VIL1: variants seen among roughly 807,000 people sequenced by gnomAD.
VIL1 encodes the protein villin-1.
In VIL1, 86 loss-of-function variants were observed where a neutral mutation model predicts 104.0. The ratio of observed to expected loss-of-function variants is 0.83; its 90% CI spans 0.69 to 0.99. The LOEUF is 0.99. Ranked by LOEUF, VIL1 falls within the 50% of genes least tolerant of loss-of-function variation. The pLI is 0.00. For missense variants in VIL1, 944 were observed against 1,054.1 expected, an observed-to-expected ratio of 0.90 and a Z score of 1.45; for synonymous variants, 394 against 412.6, an observed-to-expected ratio of 0.95 and a Z score of 0.55.
Position 218,436,624 on chromosome 2 carries a change from C to T in VIL1, c.1969C>T (p.Gln657Ter). Residue 657 changes from glutamine (Q) to a stop codon, truncating the protein, a stop_gained and splice_region_variant, in exon 16 of 20, where the codon CAG becomes TAG. Transcript: ENST00000248444. LOFTEE classifies it high-confidence loss of function. ...TGTGTTCCTACTAGATGTCTGGGAC[C>T]AGGTAGGACCAAGGGCCTGGGGACC... is the stretch of plus-strand genomic sequence containing the variant. ...DDVFLLDVWD[Q>*]VFFWIGKHAN... 2 of 1,613,574 alleles carry T rather than the reference C, an allele frequency of 1.2e-6. No individual in the cohort carries two copies. Among genetic ancestry groups the T allele is most frequent in the Non-Finnish European group, 8.5e-7 (1 of 1,179,796 alleles).
rs545180680 is a variant in VIL1 at position 218,442,398 on chromosome 2, CTG to C, written c.2370+1537_2370+1538del. 2.0e-5 allele frequency among the ~76,000 whole-genome samples: 3 copies of C among 152,278 alleles called. No homozygotes were observed. The South Asian group carries it at 6.2e-4, about 32-fold the overall frequency. On this transcript the variant is annotated intron_variant, in intron 19 of 19. Coordinates refer to ENST00000248444, the MANE Select transcript of VIL1 (RefSeq NM_007127.3). The stretch of plus-strand genomic sequence containing the variant: ...CATCAGCACATGGTCCATCTGGTAA[CTG>C]GGGTTAGCACAGCAAGAAGAGCTTG...
At position 218,440,882 on chromosome 2, in the gene VIL1, G is replaced by T; in HGVS notation, c.2370+20G>T. 1 of 1,612,902 alleles carries T rather than the reference G, an allele frequency of 6.2e-7. No individual in the cohort carries two copies. The highest frequency in any genetic ancestry group is 8.5e-7 in the Non-Finnish European group (1 of 1,179,442). ...AAGGAGGTAGGTCAGATTCTCAAAG[G>T]AAGACAAAGAAGTCCATTTGTTGGA... On this transcript the variant is annotated intron_variant, in intron 19 of 19. Coordinates refer to ENST00000248444, the MANE Select transcript of VIL1 (RefSeq NM_007127.3).
intron 19 of VIL1, among the ~76,000 whole-genome samples, chr2:218,443,202 C>CTTT (rs5838696): frequency 5.6e-5 from 8 of 141,908 alleles, no homozygotes; most frequent in African/African-American, 1.6e-4. Flanking sequence ...GTATTTCTTT[C>CTTT]TTTTTTTTTT....
At chr2:218,435,039 G>A (rs1689164115) in intron 14 of VIL1, among the ~76,000 whole-genome samples, 1 of 152,188 alleles carries the variant, frequency 6.6e-6, no homozygotes, top group African/African-American at 2.4e-5. Flanking sequence ...CCTCTCCTTT[G>A]ATCTCTGTAA....
In VIL1 at chr2:218,432,988, C is replaced by T. The variant is rs901915493; in HGVS notation, c.1500+37C>T. On this transcript the variant is annotated intron_variant, in intron 13 of 19. Coordinates refer to ENST00000248444, the MANE Select transcript of VIL1 (RefSeq NM_007127.3). ...GAACTGAGGTGTCTGGCAGTAACCA[C>T]TGTGGCAAGACAGGCATCCGGGAGA... is the stretch of plus-strand genomic sequence containing the variant. 3 of 1,612,178 alleles carry T rather than the reference C, an allele frequency of 1.9e-6. No individual in the cohort carries two copies. In the African/African-American group the frequency reaches 4.0e-5, roughly 22 times the overall value.
Position 218,450,802 on chromosome 2 carries a change from T to C in VIL1, c.*1466T>C, listed in dbSNP as rs1689458084. Reference sequence around the variant, plus strand: ...GACATACCTATACTTTGAACCTCTGTACTTTTAAGAAAAGTCCAATGTTAC... The same window carrying C: ...GACATACCTATACTTTGAACCTCTGCACTTTTAAGAAAAGTCCAATGTTAC... On this transcript the variant is annotated 3_prime_UTR_variant, in exon 20 of 20. Coordinates refer to ENST00000248444, the MANE Select transcript of VIL1 (RefSeq NM_007127.3). 1 of 152,366 alleles carries C rather than the reference T, an allele frequency of 6.6e-6. No homozygotes were observed. Among genetic ancestry groups the C allele is most frequent in the South Asian group, 2.1e-4 (1 of 4,832 alleles). The allele number at this position is 152,366 out of a possible 1,614,324, so 9.4% of individuals were successfully genotyped here.
chr2:218,426,844 T>C (rs981383004), intron 4 of VIL1, among the ~76,000 whole-genome samples: 23 of 150,526 alleles, frequency 1.5e-4, no homozygotes, highest in Admixed American at 7.9e-4. Flanking sequence ...CCTCATGATC[T>C]GCCCGCCTTG....
intron 18 of VIL1, 40 bp from the exon 19 acceptor site, chr2:218,440,682 C>T: frequency 1.2e-6 from 2 of 1,611,404 alleles, no homozygotes; most frequent in South Asian, 2.2e-5. Flanking sequence ...GGTAGCTGTG[C>T]ACCAGCTAAA....
At chr2:218,436,679 C>T in intron 16 of VIL1, 53 bp downstream of exon 16, 1 of 1,581,460 alleles carries the variant, frequency 6.3e-7, no homozygotes, top group South Asian at 1.2e-5. Context: ...ATCCCCAGGG[C>T]CAAGAAAGAG....
At chr2:218,432,972 T>A in intron 13 of VIL1, 21 bp downstream of exon 13, 1 of 1,613,638 alleles carries the variant, frequency 6.2e-7, no homozygotes, top group Non-Finnish European at 8.5e-7. Flanking sequence ...TGAACTGAGG[T>A]GTCTGGCAGT....
chr2:218,444,579 G>A, intron 19 of VIL1, among the ~76,000 whole-genome samples: 1 of 152,252 alleles, frequency 6.6e-6, no homozygotes, highest in South Asian at 2.1e-4. Flanking sequence ...TGCCCGGCCG[G>A]CCTGTAGCTG....
At chr2:218,445,980 CT>C (rs1474076869) in intron 19 of VIL1, among the ~76,000 whole-genome samples, 5 of 152,168 alleles carry the variant, frequency 3.3e-5, no homozygotes, top group African/African-American at 1.2e-4. Flanking sequence ...GCTATCTAAT[CT>C]TCTGGATCAT....
chr2:218,434,437 C>T (rs1171688203), intron 13 of VIL1, 89 bp from the exon 14 acceptor site: 31 of 1,376,416 alleles, frequency 2.3e-5, no homozygotes, highest in Non-Finnish European at 2.6e-5. Context: ...CAAACCTCCC[C>T]GCCCTACCCT....
chr2:218,420,570 G>A (rs1490559043), intron 1 of VIL1, among the ~76,000 whole-genome samples: 2 of 144,350 alleles, frequency 1.4e-5, no homozygotes, highest in Non-Finnish European at 3.0e-5. Flanking sequence ...TCAGCATCAT[G>A]AGTATTTGTT....
intron 19 of VIL1, among the ~76,000 whole-genome samples, chr2:218,444,523 C>T (rs1431070987): frequency 1.3e-5 from 2 of 152,174 alleles, no homozygotes; most frequent in African/African-American, 4.8e-5. Flanking sequence ...TGTGATCTGC[C>T]CGCCTTGGCC....
Position 218,435,402 on chromosome 2 carries a change from G to C in VIL1, c.1794G>C (p.Leu598=). 1 of 1,614,156 alleles carries C rather than the reference G, an allele frequency of 6.2e-7. No individual in the cohort carries two copies. The highest frequency in any genetic ancestry group is 1.1e-5 in the South Asian group (1 of 91,082). ...GQEPANFWMA[L]GGKAPYANTK... ...AGCCAGCCAACTTCTGGATGGCCCT[G>C]GGTGGGAAGGCCCCCTATGCCAACA... Residue 598 remains leucine, a synonymous_variant, in exon 15 of 20, where the codon CTG becomes CTC. Transcript: ENST00000248444.
At chr2:218,438,817 G>A (rs1689237617) in intron 18 of VIL1, 91 bp downstream of exon 18, 3 of 1,089,392 alleles carry the variant, frequency 2.8e-6, no homozygotes, top group African/African-American at 1.6e-5. Flanking sequence ...AGACACCAGA[G>A]TCCTGTGCTT....
At position 218,428,309 on chromosome 2, in the gene VIL1, C is replaced by A; in HGVS notation, c.539C>A (p.Pro180Gln). The A allele has an allele frequency of 1.2e-6, 2 of 1,614,134 alleles. No homozygotes were observed. The highest frequency in any genetic ancestry group is 2.2e-5 in the East Asian group (1 of 44,882). ...AAGCTTATCATCCAGTGGAATGGAC[C>A]GGAAAGCACCCGTATGGAGAGACTC... ...LGKLIIQWNG[P>Q]ESTRMERLRG... The change falls in exon 6 of 20, where the codon CCG becomes CAG. Residue 180 changes from proline to glutamine, a missense_variant. Transcript: ENST00000248444.
intron 17 of VIL1, among the ~76,000 whole-genome samples, chr2:218,438,167 C>CTCAT (rs138206017): frequency 0.34 from 51,875 of 151,378 alleles, 9,235 homozygotes; most frequent in Non-Finnish European, 0.38. Context: ...GCCTCATTCA[C>CTCAT]TCATTCATTC....
Sources: gnomAD v4.1 joint callset for allele counts (sites outside exome capture counted in the v4.1 genomes callset) on GRCh38, gnomAD v4.1.1 for gene constraint, MANE v1.5 for transcripts, NCBI Gene and HGNC (gene_info 2026-07-23, HGNC 2026-07-21) for gene names.